The following PPP1R12C variants were observed in gnomAD, a reference collection of about 807,000 sequenced individuals.
The protein encoded by PPP1R12C is leukocyte receptor cluster (LRC) encoded novel gene 3.
PPP1R12C carries 48 observed loss-of-function variants against 95.6 expected under a neutral mutation model. That is an observed-to-expected ratio of 0.50 (90% CI 0.40 to 0.64). The LOEUF (loss-of-function observed/expected upper bound fraction) is 0.64, where lower values mean the gene tolerates loss of function less well. Ranked by LOEUF, PPP1R12C falls within the 30% of genes least tolerant of loss-of-function variation. PPP1R12C has a pLI of 0.00. For missense variants in PPP1R12C, 1,057 were observed against 1,083.3 expected, an observed-to-expected ratio of 0.98 and a Z score of 0.34; for synonymous variants, 480 against 460.8, an observed-to-expected ratio of 1.04 and a Z score of -0.53.
intron 4 of PPP1R12C, among the ~76,000 whole-genome samples, chr19:55,100,587 T>C (rs1469548427): frequency 6.6e-6 from 1 of 152,228 alleles, no homozygotes; most frequent in Admixed American, 6.5e-5. Context: ...ACCTCTACTC[T>C]GCAACAAATG....
intron 4 of PPP1R12C, among the ~76,000 whole-genome samples, chr19:55,100,165 C>A (rs888806243): frequency 6.6e-5 from 10 of 151,098 alleles, no homozygotes; most frequent in Admixed American, 2.6e-4. Flanking sequence ...CCCTTTTTGG[C>A]AGTCACCACC....
intron 4 of PPP1R12C, among the ~76,000 whole-genome samples, chr19:55,102,573 T>G (rs1008243717): frequency 4.6e-5 from 7 of 152,134 alleles, no homozygotes; most frequent in Admixed American, 4.6e-4. Flanking sequence ...TATATACAAA[T>G]TGTAACTGAC....
chr19:55,115,906 T>C (rs1015311172), intron 1 of PPP1R12C, among the ~76,000 whole-genome samples: 8 of 151,916 alleles, frequency 5.3e-5, no homozygotes, highest in African/African-American at 1.5e-4. Context: ...GAAGTGGACA[T>C]AGGGGCCCGG....
intron 4 of PPP1R12C, among the ~76,000 whole-genome samples, chr19:55,100,019 G>A (rs527674260): frequency 1.3e-5 from 2 of 152,174 alleles, no homozygotes; most frequent in South Asian, 2.1e-4. Flanking sequence ...CCTTTCCCAC[G>A]CTTTGCCCGG....
chr19:55,095,922 G>A lies in PPP1R12C; in HGVS notation c.1172C>T (p.Pro391Leu), dbSNP rs925452595. The A allele has an allele frequency of 1.9e-6, 3 of 1,613,262 alleles. No individual in the cohort carries two copies. The highest frequency in any genetic ancestry group is 2.7e-5 in the African/African-American group (2 of 75,032). Residue 391 changes from proline to leucine, a missense_variant, in exon 9 of 22, where the codon CCC (proline) becomes CTC (leucine). Transcript: ENST00000263433. ...EGPTEPPPAE[P>L]RTLNGVSSPP... is the part of the protein sequence containing the mutation. ...GGAGGAGACGCCATTGAGGGTTCTGGGTTCTGCAGGGGGTGGTTCTGTGAT... is the reference window on the plus strand; with the variant it reads ...GGAGGAGACGCCATTGAGGGTTCTGAGTTCTGCAGGGGGTGGTTCTGTGAT...
rs755467091 is a variant in PPP1R12C at position 55,098,798 on chromosome 19, G to A, written c.937C>T (p.Arg313Trp). 24 of 1,613,534 alleles carry A rather than the reference G, an allele frequency of 1.5e-5. No individual in the cohort carries two copies. The highest frequency in any genetic ancestry group is 1.7e-4 in the Middle Eastern group (1 of 6,060). ...CTGACACTCACGTCCTCCTGTTTCC[G>A]GGCCAGTTCCTCCAACAGGCTCAGT... is the stretch of plus-strand genomic sequence containing the variant. ...EVLSLLEELARKQEDLRNQKE... is the reference protein window; with the variant it reads ...EVLSLLEELAWKQEDLRNQKE... Residue 313 changes from arginine to tryptophan, a missense_variant, in exon 6 of 22, where the codon CGG becomes TGG. Transcript: ENST00000263433.
At position 55,092,294 on chromosome 19, in the gene PPP1R12C, C is replaced by T; in HGVS notation, c.2088G>A (p.Arg696=). The part of the protein sequence containing the change: ...LYAELRRENE[R]LREALTETTL... ...TGGTCTCGGTCAGGGCCTCGCGAAG[C>T]CGCTCGTTCTCCCTGCGCAGCTCTG... Residue 696 remains arginine (R), a synonymous_variant, in exon 19 of 22, where the codon CGG becomes CGA. Coordinates refer to ENST00000263433, the MANE Select transcript of PPP1R12C (RefSeq NM_017607.4). 6.2e-7 allele frequency: 1 copy of T among 1,600,982 alleles called. No homozygotes were observed. The highest frequency in any genetic ancestry group is 8.5e-7 in the Non-Finnish European group (1 of 1,174,104).
chr19:55,106,763 C>T (rs150729820), intron 3 of PPP1R12C, among the ~76,000 whole-genome samples: 216 of 152,322 alleles, frequency 1.4e-3, no homozygotes, highest in African/African-American at 5.0e-3. Context: ...TCCTCACCCA[C>T]ACTTTGCCCC....
chr19:55,092,073 C>G (rs2084848884), intron 19 of PPP1R12C, 149 bp downstream of exon 19: 3 of 1,104,698 alleles, frequency 2.7e-6, no homozygotes, highest in Non-Finnish European at 1.3e-6. Context: ...CATCCCCTCG[C>G]TCAGACTCCG....
chr19:55,095,061 C>T, intron 11 of PPP1R12C: 3 of 677,442 alleles, frequency 4.4e-6, no homozygotes, highest in Admixed American at 2.6e-5. Flanking sequence ...GTGGTGGCAG[C>T]AGGGTGGTCA....
At chr19:55,110,415 G>C (rs2085083051) in intron 3 of PPP1R12C, among the ~76,000 whole-genome samples, 1 of 148,764 alleles carries the variant, frequency 6.7e-6, no homozygotes, top group African/African-American at 2.5e-5. Context: ...CATCAAGGTT[G>C]GTGCGGTGGG....
At chr19:55,105,019 C>T (rs951782109) in intron 3 of PPP1R12C, among the ~76,000 whole-genome samples, 1 of 151,094 alleles carries the variant, frequency 6.6e-6, no homozygotes, top group Non-Finnish European at 1.5e-5. Flanking sequence ...ATCCACCCGC[C>T]TCGGCCTCCC....
At position 55,091,173 on chromosome 19, in the gene PPP1R12C, T is replaced by C. The variant is rs2084834651; in HGVS notation, c.*299A>G. On this transcript the variant is annotated 3_prime_UTR_variant, in exon 22 of 22. Transcript: ENST00000263433. ...GATGGGGACCTCCAGGCGGCCACTC[T>C]GGTCCTGGCTACTGATCCTTGCACT... 2.2e-6 allele frequency: 1 copy of C among 445,490 alleles called. No homozygotes were observed. Among genetic ancestry groups the C allele is most frequent in the African/African-American group, 2.0e-5 (1 of 50,272 alleles). The allele number at this position is 445,490 out of a possible 1,614,324, so 27.6% of individuals were successfully genotyped here.
chr19:55,095,513 C>G lies in PPP1R12C; in HGVS notation c.1318G>C (p.Glu440Gln). 6.3e-7 allele frequency: 1 copy of G among 1,577,934 alleles called. No homozygotes were observed. The highest frequency in any genetic ancestry group is 1.2e-5 in the South Asian group (1 of 86,368). ...ALGPPERRTA[E>Q]GAPGAGLQRS... Reference sequence around the variant, plus strand: ...TGCAGCCCAGCCCCAGGGGCTCCCTCCGCTGTCCGCCTTTCAGGGGGACCC... The same window carrying G: ...TGCAGCCCAGCCCCAGGGGCTCCCTGCGCTGTCCGCCTTTCAGGGGGACCC... The change falls in exon 10 of 22, where the codon GAG becomes CAG. Residue 440 changes from glutamate (E) to glutamine (Q), a missense_variant. Coordinates refer to ENST00000263433, the MANE Select transcript of PPP1R12C (RefSeq NM_017607.4).
chr19:55,112,591 G>A lies in PPP1R12C; in HGVS notation c.453-6C>T, dbSNP rs1197324126. 6.2e-7 allele frequency: 1 copy of A among 1,613,148 alleles called. No homozygotes were observed. The highest frequency in any genetic ancestry group is 8.5e-7 in the Non-Finnish European group (1 of 1,179,576). The stretch of plus-strand genomic sequence containing the variant: ...CCCCGTGGCTCAGGAGGTACCTGGG[G>A]GTGGGGGCTGGTCAGGGCTGAGGGT... On this transcript the variant is annotated splice_polypyrimidine_tract_variant and splice_region_variant and intron_variant, in intron 2 of 21. Coordinates refer to ENST00000263433, the MANE Select transcript of PPP1R12C (RefSeq NM_017607.4).
At chr19:55,092,372 T>A (rs1568803837) in intron 18 of PPP1R12C, 46 bp from the exon 19 acceptor site, 1 of 1,003,590 alleles carries the variant, frequency 1.0e-6, no homozygotes, top group Admixed American at 2.0e-5. Flanking sequence ...GGGGCGATGC[T>A]GGGGGGGCGG....
In PPP1R12C at chr19:55,112,720, C is replaced by T. The variant is rs1603007466; in HGVS notation, c.397G>A (p.Glu133Lys). ...GCCACGTGCAGTGGCGTCCAGCCCT[C>T]GTTGTCTGCCTGGTTCACAGTGGCG... ...QGATVNQADN[E>K]GWTPLHVAAS... is the part of the protein sequence containing the mutation. Residue 133 changes from glutamate to lysine, a missense_variant, in exon 2 of 22, where the codon GAG (glutamate) becomes AAG (lysine). Physicochemically the swap from Glu to Lys is moderately conservative, Grantham distance 56. This residue lies in a region of PPP1R12C where 282 missense variants were observed against 380.4 expected (regional missense o/e 0.74). Transcript: ENST00000263433. 7 of 1,613,932 alleles carry T rather than the reference C, an allele frequency of 4.3e-6. No individual in the cohort carries two copies. Among genetic ancestry groups the T allele is most frequent in the Non-Finnish European group, 5.9e-6 (7 of 1,179,988 alleles).
intron 19 of PPP1R12C, 49 bp from the exon 20 acceptor site, chr19:55,091,958 G>C: frequency 1.2e-6 from 2 of 1,602,712 alleles, no homozygotes; most frequent in Non-Finnish European, 1.7e-6. Flanking sequence ...AGCCAGCACT[G>C]CTCTGAAGGG....
At chr19:55,103,626 G>A (rs1404689288) in intron 3 of PPP1R12C, 58 bp from the exon 4 acceptor site, 10 of 1,439,160 alleles carry the variant, frequency 6.9e-6, no homozygotes, top group Admixed American at 2.3e-5. Flanking sequence ...AATACCCAGG[G>A]TCATACACTG....
Sources: allele counts gnomAD v4.1 joint callset (sites outside exome capture counted in the v4.1 genomes callset), GRCh38; gene constraint gnomAD v4.1.1; regional missense constraint gnomAD v4.1.1; transcripts MANE v1.5; gene names NCBI Gene and HGNC (gene_info 2026-07-23, HGNC 2026-07-21).